The following CDH18 variants were observed in gnomAD, a reference collection of about 807,000 sequenced individuals.
The protein encoded by CDH18 is cadherin-18.
CDH18 carries 31 observed loss-of-function variants against 67.9 expected under a neutral mutation model. The ratio of observed to expected loss-of-function variants is 0.46; its 90% CI spans 0.34 to 0.62. The LOEUF (loss-of-function observed/expected upper bound fraction) is 0.62, where lower values mean the gene tolerates loss of function less well. Ranked by LOEUF, CDH18 falls within the 20% of genes least tolerant of loss-of-function variation. CDH18 has a pLI of 0.01. For synonymous variants in CDH18, 362 were observed against 347.2 expected (o/e 1.04, Z -0.48); for missense variants, 890 against 975.5 (o/e 0.91, Z 1.17).
intron 2 of CDH18, among the ~76,000 whole-genome samples, chr5:20,116,432 C>T (rs1013861670): frequency 6.6e-6 from 1 of 151,866 alleles, no homozygotes; most frequent in Non-Finnish European, 1.5e-5. Context: ...CGGAGAATCA[C>T]TTGAACCCAA....
intron 2 of CDH18, among the ~76,000 whole-genome samples, chr5:20,032,044 T>C (rs896982684): frequency 1.3e-5 from 2 of 152,050 alleles, no homozygotes; most frequent in African/African-American, 4.8e-5. Flanking sequence ...AAGCCATGTT[T>C]CTAAATTCAA....
chr5:20,478,959 G>A (rs1752614936), intron 1 of CDH18, among the ~76,000 whole-genome samples: 1 of 152,086 alleles, frequency 6.6e-6, no homozygotes, highest in South Asian at 2.1e-4. Flanking sequence ...CTCTCTACCT[G>A]GTAATCCAGG....
intron 2 of CDH18, among the ~76,000 whole-genome samples, chr5:20,198,015 T>C (rs563514109): frequency 6.0e-4 from 92 of 152,248 alleles, no homozygotes; most frequent in African/African-American, 2.2e-3. Flanking sequence ...TGGGCACTCA[T>C]TCCCTCTCCT....
In CDH18 at chr5:20,150,426, C is replaced by A. The variant is rs148885952; in HGVS notation, c.-518+105018G>T. Among the ~76,000 whole-genome samples, 4 of 151,874 alleles carry A rather than the reference C, an allele frequency of 2.6e-5. No homozygotes were observed. In the East Asian group the frequency reaches 7.8e-4, roughly 29 times the overall value. ...GCTTGTTGCTTAAAAAGTAGAGATG[C>A]CTATGAAGTATAATAAGTTCAGATA... On this transcript the variant is annotated intron_variant, in intron 2 of 14. Transcript: ENST00000507958.
At position 19,886,933 on chromosome 5, in the gene CDH18, CT is replaced by C. The variant is rs367580212; in HGVS notation, c.-256-47692del. ...TCATAAAACATAGCAGTAGCTTGATCTTTACATTGCTATATATTATTGCATA... is the reference window on the plus strand; with the variant it reads ...TCATAAAACATAGCAGTAGCTTGATCTTACATTGCTATATATTATTGCATA... On this transcript the variant is annotated intron_variant, in intron 2 of 12. Transcript: ENST00000382275. Among the ~76,000 whole-genome samples, 93 of 152,168 alleles carry C rather than the reference CT, an allele frequency of 6.1e-4. 2 individuals carry two copies. In the East Asian group the frequency reaches 0.014, roughly 22 times the overall value.
chr5:19,806,861 A>T (rs1778090598), intron 3 of CDH18, among the ~76,000 whole-genome samples: 1 of 152,200 alleles, frequency 6.6e-6, no homozygotes, highest in East Asian at 1.9e-4. Context: ...AAATACAGTA[A>T]TTCATTGCTT....
intron 1 of CDH18, among the ~76,000 whole-genome samples, chr5:20,347,403 T>G (rs1475420521): frequency 6.6e-6 from 1 of 152,074 alleles, no homozygotes; most frequent in African/African-American, 2.4e-5. Context: ...TAAACCGCAA[T>G]TAGGGTCACT....
chr5:20,468,490 A>G (rs1751824137), intron 1 of CDH18, among the ~76,000 whole-genome samples: 1 of 152,110 alleles, frequency 6.6e-6, no homozygotes, highest in Non-Finnish European at 1.5e-5. Flanking sequence ...ATGCTCCTCC[A>G]TCCTCTTGGA....
At chr5:20,367,909 A>G (rs1742653308) in intron 1 of CDH18, among the ~76,000 whole-genome samples, 1 of 152,194 alleles carries the variant, frequency 6.6e-6, no homozygotes, top group East Asian at 1.9e-4. Context: ...CTTCCACATT[A>G]CAATCAACCG....
intron 2 of CDH18, among the ~76,000 whole-genome samples, chr5:20,246,052 G>A (rs1430947426): frequency 6.6e-6 from 1 of 152,098 alleles, no homozygotes; most frequent in Non-Finnish European, 1.5e-5. Flanking sequence ...GCAAGCAGTA[G>A]CATATAAAAT....
intron 1 of CDH18, among the ~76,000 whole-genome samples, chr5:20,551,781 G>T (rs1581189057): frequency 6.6e-6 from 1 of 152,066 alleles, no homozygotes; most frequent in African/African-American, 2.4e-5. Context: ...TTACTAATTT[G>T]GTCAGTGTTT....
intron 2 of CDH18, among the ~76,000 whole-genome samples, chr5:20,202,477 T>G (rs1016984768): frequency 1.3e-5 from 2 of 152,086 alleles, no homozygotes; most frequent in African/African-American, 4.8e-5. Flanking sequence ...TCTTGTCACT[T>G]AGATCATTTT....
intron 3 of CDH18, among the ~76,000 whole-genome samples, chr5:19,832,877 G>A (rs920158210): frequency 2.6e-5 from 4 of 151,668 alleles, no homozygotes; most frequent in Non-Finnish European, 4.4e-5. Context: ...GTTCTGCTCC[G>A]TTGCTCTATA....
chr5:19,736,291 G>A (rs1275550891), intron 4 of CDH18, among the ~76,000 whole-genome samples: 2 of 152,140 alleles, frequency 1.3e-5, no homozygotes, highest in Non-Finnish European at 2.9e-5. Context: ...TGAGGAGGGA[G>A]GATCACTTGA....
rs555778117 is a variant in CDH18, at chr5:19,734,433, C to T, written c.523+12509G>A. ...TGTTTTTGTTCCCCTGTGATATGGACGTTTTGGTTTACTGGAAGTTAATTT... is the reference window on the plus strand; with the variant it reads ...TGTTTTTGTTCCCCTGTGATATGGATGTTTTGGTTTACTGGAAGTTAATTT... On this transcript the variant is annotated intron_variant, in intron 4 of 12. Coordinates refer to ENST00000382275, the MANE Select transcript of CDH18 (RefSeq NM_004934.5). 1.1e-4 allele frequency among the ~76,000 whole-genome samples: 16 copies of T among 152,196 alleles called. 1 individual carries two copies. The highest frequency in any genetic ancestry group is 2.6e-4 in the Admixed American group (4 of 15,284).
intron 2 of CDH18, among the ~76,000 whole-genome samples, chr5:19,953,016 A>C (rs1028316789): frequency 6.6e-6 from 1 of 152,134 alleles, no homozygotes; most frequent in Non-Finnish European, 1.5e-5. Context: ...CAATTATGGA[A>C]AGCAATTACT....
intron 2 of CDH18, among the ~76,000 whole-genome samples, chr5:19,912,105 T>C (rs180911945): frequency 1.0e-3 from 156 of 151,122 alleles, no homozygotes; most frequent in African/African-American, 3.8e-3. Flanking sequence ...ATTAAAGACA[T>C]GTGTGAAAGT....
intron 6 of CDH18, among the ~76,000 whole-genome samples, chr5:19,593,810 T>C (rs1745732844): frequency 6.6e-6 from 1 of 150,498 alleles, no homozygotes. Context: ...ATAAGCCTTT[T>C]AGCAGACAGG....
At chr5:19,624,442 A>T (rs1470549305) in intron 5 of CDH18, among the ~76,000 whole-genome samples, 1 of 152,218 alleles carries the variant, frequency 6.6e-6, no homozygotes, top group African/African-American at 2.4e-5. Context: ...TTTATGTCAC[A>T]TGTAGCAAAT....
Sources: gnomAD v4.1 joint callset for allele counts (sites outside exome capture counted in the v4.1 genomes callset) on GRCh38, gnomAD v4.1.1 for gene constraint, MANE v1.5 for transcripts, NCBI Gene and HGNC (gene_info 2026-07-23, HGNC 2026-07-21) for gene names.